Variants in SHISA6 observed in about 807,000 individuals in gnomAD.
SHISA6 encodes the protein protein shisa-6.
A neutral mutation model predicts 47.9 loss-of-function variants in SHISA6; 22 were observed. That is an observed-to-expected ratio of 0.46 (90% confidence interval 0.33 to 0.66). The LOEUF (loss-of-function observed/expected upper bound fraction) is 0.66, where lower values mean the gene tolerates loss of function less well. Ranked by LOEUF, SHISA6 falls within the 30% of genes least tolerant of loss-of-function variation. The pLI is 0.02. For synonymous variants in SHISA6, 388 were observed against 337.8 expected (o/e 1.15, Z -1.63); for missense variants, 680 against 764.6 (o/e 0.89, Z 1.30).
chr17:11,268,965 T>A (rs886320000), intron 2 of SHISA6, among the ~76,000 whole-genome samples: 4 of 152,070 alleles, frequency 2.6e-5, no homozygotes, highest in Non-Finnish European at 5.9e-5. Flanking sequence ...GTCACTTGCA[T>A]AAACCATAGG....
At chr17:11,242,133 T>A (rs1907391550) in intron 1 of SHISA6, 73 bp downstream of exon 1, 1 of 1,533,178 alleles carries the variant, frequency 6.5e-7, no homozygotes, top group East Asian at 2.4e-5. Flanking sequence ...CCCTGTCCTC[T>A]TCACTCTCGG....
Position 11,558,310 on chromosome 17 carries a change from G to A in SHISA6, c.*6G>A, listed in dbSNP as rs558926212. 4.7e-5 allele frequency: 72 copies of A among 1,536,494 alleles called. No homozygotes were observed. Among genetic ancestry groups the A allele is most frequent in the East Asian group, 4.9e-5 (2 of 40,886 alleles). ...AGACCGAAGTGACCGTGTGACCGGC[G>A]GGGCAGGGCCGGGGCTGCTGGGCGT... On this transcript the variant is annotated 3_prime_UTR_variant, in exon 6 of 6. Coordinates refer to ENST00000441885, the MANE Select transcript of SHISA6 (RefSeq NM_207386.4).
chr17:11,459,648 C>T (rs1373124906), intron 3 of SHISA6, among the ~76,000 whole-genome samples: 2 of 152,162 alleles, frequency 1.3e-5, no homozygotes, highest in East Asian at 1.9e-4. Context: ...GGTCCACACT[C>T]CCTAGCCTGC....
chr17:11,477,812 T>A (rs1916093113), intron 3 of SHISA6, among the ~76,000 whole-genome samples: 1 of 151,450 alleles, frequency 6.6e-6, no homozygotes, highest in Admixed American at 6.6e-5. Flanking sequence ...CTTAATCCAG[T>A]CTATCATTGT....
At chr17:11,364,236 T>TTTCCATCAC (rs1389529231) in intron 2 of SHISA6, among the ~76,000 whole-genome samples, 6 of 152,170 alleles carry the variant, frequency 3.9e-5, no homozygotes, top group African/African-American at 1.4e-4. Flanking sequence ...ATAAAGAACG[T>TTTCCATCAC]TTCCATCACC....
At chr17:11,508,929 C>T (rs2071521593) in intron 3 of SHISA6, among the ~76,000 whole-genome samples, 1 of 146,274 alleles carries the variant, frequency 6.8e-6, no homozygotes, top group Admixed American at 6.8e-5. Context: ...AAAAGAGGAA[C>T]ATGGCACACA....
At chr17:11,480,879 C>CA (rs1916192699) in intron 3 of SHISA6, among the ~76,000 whole-genome samples, 1 of 151,910 alleles carries the variant, frequency 6.6e-6, no homozygotes, top group African/African-American at 2.4e-5. Flanking sequence ...TGACAGGTGT[C>CA]TTATTTAAAA....
At chr17:11,247,778 T>TC (rs1413142480) in intron 1 of SHISA6, among the ~76,000 whole-genome samples, 1 of 149,800 alleles carries the variant, frequency 6.7e-6, no homozygotes, top group Non-Finnish European at 1.5e-5. Flanking sequence ...CGTCTTTCTT[T>TC]TTTTTTTTTT....
At chr17:11,272,867 G>T (rs576041993) in intron 2 of SHISA6, among the ~76,000 whole-genome samples, 1 of 152,318 alleles carries the variant, frequency 6.6e-6, no homozygotes, top group South Asian at 2.1e-4. Flanking sequence ...TATGTCTTTA[G>T]ACTGCTTTGA....
At chr17:11,385,437 A>G (rs956171920) in intron 3 of SHISA6, among the ~76,000 whole-genome samples, 1 of 152,136 alleles carries the variant, frequency 6.6e-6, no homozygotes, top group African/African-American at 2.4e-5. Context: ...CTCTGGGGAA[A>G]TGAGAAAAGA....
At chr17:11,515,300 A>C (rs1186536721) in intron 3 of SHISA6, among the ~76,000 whole-genome samples, 1 of 142,144 alleles carries the variant, frequency 7.0e-6, no homozygotes, top group South Asian at 2.3e-4. Context: ...AAGAAAGAGG[A>C]AGGAAGAAAG....
intron 2 of SHISA6, among the ~76,000 whole-genome samples, chr17:11,358,771 A>G (rs941187619): frequency 5.3e-5 from 8 of 150,940 alleles, no homozygotes; most frequent in African/African-American, 4.9e-5. Context: ...TCTCGGGCCC[A>G]GGTGATTCTC....
rs368966254 is a variant in SHISA6 at position 11,348,918 on chromosome 17, G to A, written c.800-30496G>A. ...AAACAAGTATCAGAACAGAAATCAT[G>A]AAACTTGGCCATTCTTTTGCTTCTC... is the stretch of plus-strand genomic sequence containing the variant. On this transcript the variant is annotated intron_variant, in intron 2 of 5. Coordinates refer to ENST00000441885, the MANE Select transcript of SHISA6 (RefSeq NM_207386.4). Among the ~76,000 whole-genome samples the A allele has an allele frequency of 2.0e-4, 30 of 152,302 alleles. 2 individuals carry two copies. The East Asian group carries it at 2.7e-3, about 14-fold the overall frequency.
At chr17:11,260,873 C>G (rs971042089) in intron 1 of SHISA6, among the ~76,000 whole-genome samples, 1 of 152,056 alleles carries the variant, frequency 6.6e-6, no homozygotes, top group Non-Finnish European at 1.5e-5. Context: ...GTCTCACTCT[C>G]CCTGTTGTTC....
At position 11,395,513 on chromosome 17, in the gene SHISA6, C is replaced by CT. The variant is rs886287303; in HGVS notation, c.895+16025dup. 6.3e-3 allele frequency among the ~76,000 whole-genome samples: 735 copies of CT among 117,350 alleles called. 9 individuals are homozygous for CT. Among genetic ancestry groups the CT allele is most frequent in the African/African-American group, 9.8e-3 (295 of 30,046 alleles). 77.0% of individuals were successfully genotyped at this position (117,350 alleles called of 152,430 possible). On this transcript the variant is annotated intron_variant, in intron 3 of 5. Transcript: ENST00000441885. ...TTATATGCAAATACAGGCAGTTTTA[C>CT]TTTTTTTTTTTTTTTTTTTTTGAGA...
chr17:11,244,617 G>C lies in SHISA6; in HGVS notation c.638+2557G>C, dbSNP rs141064044. Among the ~76,000 whole-genome samples the C allele has an allele frequency of 2.1e-4, 32 of 152,196 alleles. 1 individual carries two copies. Among genetic ancestry groups the C allele is most frequent in the Admixed American group, 5.9e-4 (9 of 15,302 alleles). On this transcript the variant is annotated intron_variant, in intron 1 of 5. Coordinates refer to ENST00000441885, the MANE Select transcript of SHISA6 (RefSeq NM_207386.4). ...GTAGACTGTCTTGTTGGGCAATCAA[G>C]GTAGGGAAAAGGAGGGAGTGATAGA...
intron 3 of SHISA6, among the ~76,000 whole-genome samples, chr17:11,481,362 G>GTA (rs1481491401): frequency 5.8e-4 from 67 of 114,592 alleles, no homozygotes; most frequent in African/African-American, 2.0e-3. Flanking sequence ...GTGTGTGTGT[G>GTA]TGTGTATATA....
intron 2 of SHISA6, among the ~76,000 whole-genome samples, chr17:11,294,586 A>T (rs1165955805): frequency 2.6e-5 from 4 of 152,058 alleles, no homozygotes; most frequent in Admixed American, 6.6e-5. Flanking sequence ...GACAATATAT[A>T]TTTTTTTCAT....
chr17:11,327,412 G>A (rs1392419019), intron 2 of SHISA6, among the ~76,000 whole-genome samples: 1 of 152,194 alleles, frequency 6.6e-6, no homozygotes, highest in Non-Finnish European at 1.5e-5. Flanking sequence ...ATATTCTCTT[G>A]TGGTTAGCTT....
Sources: allele counts gnomAD v4.1 joint callset (sites outside exome capture counted in the v4.1 genomes callset), GRCh38; gene constraint gnomAD v4.1.1; transcripts MANE v1.5; gene names NCBI Gene and HGNC (gene_info 2026-07-23, HGNC 2026-07-21).